The following NCOA2 variants were observed in gnomAD, a reference collection of about 807,000 sequenced individuals.
NCOA2 encodes the protein class E basic helix-loop-helix protein 75.
Under a neutral mutation model 145.1 loss-of-function variants are expected in NCOA2, and 21 were observed. The observed-to-expected ratio is 0.14, with a 90% CI of 0.10 to 0.21. The LOEUF is 0.21. Among genes scored for constraint, NCOA2 ranks in the 10% least tolerant of loss-of-function variants. The pLI, the probability that NCOA2 is intolerant of heterozygous loss-of-function variation, is 1.00. For synonymous variants in NCOA2, 619 were observed against 637.5 expected, an observed-to-expected ratio of 0.97 and a Z score of 0.44; for missense variants, 1,472 against 1,837.6, an observed-to-expected ratio of 0.80 and a Z score of 3.64.
chr8:70,362,412 A>G (rs184370016), intron 1 of NCOA2, among the ~76,000 whole-genome samples: 1 of 152,378 alleles, frequency 6.6e-6, no homozygotes, highest in East Asian at 1.9e-4. Flanking sequence ...CACAAGTCGC[A>G]TATCTGATAA....
chr8:70,325,199 C>T (rs1177215720), intron 1 of NCOA2, among the ~76,000 whole-genome samples: 1 of 152,110 alleles, frequency 6.6e-6, no homozygotes, highest in Non-Finnish European at 1.5e-5. Flanking sequence ...TCTTTGAACA[C>T]AAATCTTCGT....
intron 1 of NCOA2, among the ~76,000 whole-genome samples, chr8:70,346,205 T>A (rs1563788931): frequency 6.6e-6 from 1 of 152,228 alleles, no homozygotes; most frequent in Non-Finnish European, 1.5e-5. Flanking sequence ...ATTTCACGTG[T>A]ATCTCCTTCT....
At chr8:70,427,214 G>A in the NCOA2 span, among the ~76,000 whole-genome samples, 1 of 152,132 alleles carries the variant, frequency 6.6e-6, no homozygotes, top group African/African-American at 2.4e-5. Context: ...CTTGAAGTTA[G>A]TAATAATTTG....
Position 70,111,027 on chromosome 8 carries a change from A to G in NCOA2, c.*2605T>C, listed in dbSNP as rs1806491662. The G allele has an allele frequency of 4.5e-6, 1 of 222,752 alleles. No individual in the cohort carries two copies. 13.8% of individuals were successfully genotyped at this position (222,752 alleles called of 1,614,324 possible). Reference sequence around the variant, plus strand: ...GGGAACTGATTTGGCTTTTGCTTCTATAGTGATCAATATGATCAGAGGATT... The same window carrying G: ...GGGAACTGATTTGGCTTTTGCTTCTGTAGTGATCAATATGATCAGAGGATT... On this transcript the variant is annotated 3_prime_UTR_variant, in exon 23 of 23. Coordinates refer to ENST00000452400, the MANE Select transcript of NCOA2 (RefSeq NM_006540.4).
chr8:70,338,150 G>A (rs1040533519), intron 1 of NCOA2, among the ~76,000 whole-genome samples: 1 of 152,112 alleles, frequency 6.6e-6, no homozygotes, highest in East Asian at 1.9e-4. Flanking sequence ...AACCAATCCA[G>A]GAGCTGGTTT....
At chr8:70,218,199 G>GTTTTTTTTTTTTTTT (rs34322124) in intron 2 of NCOA2, among the ~76,000 whole-genome samples, 1 of 133,880 alleles carries the variant, frequency 7.5e-6, no homozygotes, top group African/African-American at 2.9e-5. Context: ...AGTGGAGTTA[G>GTTTTTTTTTTTTTTT]TTTTTTTTTT....
At chr8:70,444,165 T>A in the NCOA2 span, among the ~76,000 whole-genome samples, 1 of 152,256 alleles carries the variant, frequency 6.6e-6, no homozygotes, top group African/African-American at 2.4e-5. Context: ...TATATTCATA[T>A]CATGGACTAT....
At chr8:70,179,010 A>C (rs1815175260) in intron 4 of NCOA2, among the ~76,000 whole-genome samples, 1 of 152,246 alleles carries the variant, frequency 6.6e-6, no homozygotes, top group African/African-American at 2.4e-5. Context: ...AAATGACTCT[A>C]TAGGTTAATT....
chr8:70,172,553 A>T, intron 5 of NCOA2, among the ~76,000 whole-genome samples: 1 of 152,224 alleles, frequency 6.6e-6, no homozygotes, highest in East Asian at 1.9e-4. Flanking sequence ...CAATTGTATG[A>T]ACCACATGCA....
intron 1 of NCOA2, among the ~76,000 whole-genome samples, chr8:70,301,187 G>C (rs1222578809): frequency 6.6e-6 from 1 of 152,120 alleles, no homozygotes. Context: ...GAGGTTTTTG[G>C]TATAGTACTA....
chr8:70,126,074 C>T (rs1302491304), intron 19 of NCOA2, among the ~76,000 whole-genome samples: 4 of 152,276 alleles, frequency 2.6e-5, no homozygotes, highest in East Asian at 3.9e-4. Context: ...ACTTGGATTT[C>T]GGCAACAGAC....
chr8:70,229,474 A>G (rs1820946497), intron 2 of NCOA2, among the ~76,000 whole-genome samples: 1 of 152,162 alleles, frequency 6.6e-6, no homozygotes, highest in Admixed American at 6.5e-5. Flanking sequence ...TGAAGGGGAG[A>G]TGGGTGAGCA....
chr8:70,429,267 G>C, the NCOA2 span, among the ~76,000 whole-genome samples: 3 of 152,354 alleles, frequency 2.0e-5, no homozygotes, highest in South Asian at 2.1e-4. Flanking sequence ...CAACCTTCAA[G>C]ATTGCTCCTG....
chr8:70,223,648 T>A (rs1346566397), intron 2 of NCOA2, among the ~76,000 whole-genome samples: 1 of 152,232 alleles, frequency 6.6e-6, no homozygotes, highest in Non-Finnish European at 1.5e-5. Flanking sequence ...CTACATTGGT[T>A]GGCGTTTTCT....
At chr8:70,207,862 C>CAAAAA (rs754670876) in intron 4 of NCOA2, among the ~76,000 whole-genome samples, 20 of 36,132 alleles carry the variant, frequency 5.5e-4, no homozygotes, top group African/African-American at 1.3e-3. Context: ...GACTCCACCT[C>CAAAAA]AAAAAAAAAA....
At chr8:70,170,159 G>T (rs557602815) in intron 6 of NCOA2, 43 bp downstream of exon 6, 16 of 1,573,970 alleles carry the variant, frequency 1.0e-5, no homozygotes, top group Non-Finnish European at 1.3e-5. Context: ...CAGGGCAGGT[G>T]GGGGTGACGG....
At chr8:70,227,797 C>T (rs1258389888) in intron 2 of NCOA2, among the ~76,000 whole-genome samples, 2 of 151,930 alleles carry the variant, frequency 1.3e-5, no homozygotes, top group African/African-American at 4.8e-5. Flanking sequence ...GGTGGATCAC[C>T]GGAGGTCAGG....
intron 1 of NCOA2, among the ~76,000 whole-genome samples, chr8:70,355,289 ACT>A (rs1477560069): frequency 2.0e-5 from 3 of 152,210 alleles, no homozygotes; most frequent in Non-Finnish European, 4.4e-5. Flanking sequence ...ACAGATTCTG[ACT>A]CTGAAACAAA....
In NCOA2 at chr8:70,309,915, T is replaced by C. The variant is rs182208737; in HGVS notation, c.-76-13115A>G. On this transcript the variant is annotated intron_variant, in intron 1 of 22. Transcript: ENST00000452400. Reference sequence around the variant, plus strand: ...GATGCAGTGAGCAGTGATCACGCCATTGCACTCCAGCATGGAGACAGAGCA... The same window carrying C: ...GATGCAGTGAGCAGTGATCACGCCACTGCACTCCAGCATGGAGACAGAGCA... Among the ~76,000 whole-genome samples, 52 of 151,970 alleles carry C rather than the reference T, an allele frequency of 3.4e-4. No homozygotes were observed. The East Asian group carries it at 3.5e-3, about 10-fold the overall frequency.
Sources: allele counts gnomAD v4.1 joint callset (sites outside exome capture counted in the v4.1 genomes callset), GRCh38; gene constraint gnomAD v4.1.1; transcripts MANE v1.5; gene names NCBI Gene and HGNC (gene_info 2026-07-23, HGNC 2026-07-21).